Variants in TPST1 observed in about 807,000 individuals in gnomAD.
The protein encoded by TPST1 is protein-tyrosine sulfotransferase 1.
A neutral mutation model predicts 34.8 loss-of-function variants in TPST1; 20 were observed. The ratio of observed to expected loss-of-function variants is 0.57; its 90% CI spans 0.40 to 0.84. The LOEUF is 0.84. Ranked by LOEUF, TPST1 falls within the 40% of genes least tolerant of loss-of-function variation. The pLI, the probability that TPST1 is intolerant of heterozygous loss-of-function variation, is 0.00. For missense variants in TPST1, 353 were observed against 455.5 expected, an observed-to-expected ratio of 0.78 and a Z score of 2.05; for synonymous variants, 152 against 159.4, an observed-to-expected ratio of 0.95 and a Z score of 0.35.
At position 66,241,283 on chromosome 7, in the gene TPST1, T is replaced by C. The variant is rs1790030183; in HGVS notation, c.845+13T>C. 3.2e-6 allele frequency: 5 copies of C among 1,582,206 alleles called. No homozygotes were observed. In the East Asian group the frequency reaches 1.1e-4, roughly 35 times the overall value. On this transcript the variant is annotated intron_variant, in intron 2 of 5. Transcript: ENST00000304842. ...TGTCTCTGTCAAAGTGAGTAGAAGA[T>C]ACGTTTTTTATTTTGACTCTATATT...
chr7:66,219,678 A>C (rs1789498872), intron 1 of TPST1, among the ~76,000 whole-genome samples: 1 of 152,360 alleles, frequency 6.6e-6, no homozygotes, highest in Non-Finnish European at 1.5e-5. Context: ...CCTTATAAAT[A>C]ATAGCAGATG....
chr7:66,358,456 C>T (rs756729032), intron 5 of TPST1, among the ~76,000 whole-genome samples: 10 of 151,246 alleles, frequency 6.6e-5, no homozygotes, highest in Non-Finnish European at 1.5e-4. Flanking sequence ...ATAACAGATA[C>T]GCTAAATTAT....
chr7:66,213,743 C>CAA (rs749299136), intron 1 of TPST1, among the ~76,000 whole-genome samples: 9 of 96,546 alleles, frequency 9.3e-5, no homozygotes, highest in Non-Finnish European at 1.7e-4. Context: ...GACTCCATCT[C>CAA]AAAAAAAAAA....
chr7:66,276,564 A>G (rs148877803), intron 2 of TPST1, among the ~76,000 whole-genome samples: 40 of 151,394 alleles, frequency 2.6e-4, no homozygotes, highest in African/African-American at 8.2e-4. Flanking sequence ...CAATTAGTTT[A>G]AATTGGAAAG....
rs181375383 is a variant in TPST1 at position 66,267,817 on chromosome 7, C to T, written c.846-18694C>T. Among the ~76,000 whole-genome samples the T allele has an allele frequency of 4.3e-4, 65 of 152,284 alleles. No homozygotes were observed. In the East Asian group the frequency reaches 9.2e-3, roughly 22 times the overall value. Reference sequence around the variant, plus strand: ...AGCAGACAAAACAAAAATTCCTGCCCTTATGGAACATATATTGGGGGAGGG... The same window carrying T: ...AGCAGACAAAACAAAAATTCCTGCCTTTATGGAACATATATTGGGGGAGGG... On this transcript the variant is annotated intron_variant, in intron 2 of 5. Coordinates refer to ENST00000304842, the MANE Select transcript of TPST1 (RefSeq NM_003596.4).
intron 3 of TPST1, among the ~76,000 whole-genome samples, chr7:66,306,839 A>C (rs1308308530): frequency 6.6e-6 from 1 of 151,998 alleles, no homozygotes; most frequent in Admixed American, 6.6e-5. Context: ...CAGCCTCCTG[A>C]GTAGCTTGGG....
chr7:66,322,920 T>A (rs576171518), intron 3 of TPST1, among the ~76,000 whole-genome samples: 9 of 152,202 alleles, frequency 5.9e-5, no homozygotes, highest in South Asian at 2.1e-4. Context: ...TTATTTTTTT[T>A]ATTTTTTTAT....
At chr7:66,209,083 G>A (rs781451515) in intron 1 of TPST1, among the ~76,000 whole-genome samples, 4 of 151,934 alleles carry the variant, frequency 2.6e-5, no homozygotes, top group Admixed American at 2.0e-4. Context: ...AGACCAGCCC[G>A]GCCACATGGT....
intron 3 of TPST1, among the ~76,000 whole-genome samples, chr7:66,319,685 A>G (rs958897155): frequency 6.6e-6 from 1 of 152,138 alleles, no homozygotes; most frequent in Non-Finnish European, 1.5e-5. Flanking sequence ...TATATTTTTC[A>G]CCTAATATAT....
At chr7:66,281,017 G>A (rs1010673016) in intron 2 of TPST1, among the ~76,000 whole-genome samples, 2 of 152,146 alleles carry the variant, frequency 1.3e-5, no homozygotes, top group Non-Finnish European at 2.9e-5. Context: ...TGCCTAGCTT[G>A]TTGAGAGTTT....
chr7:66,255,379 CTG>C (rs1790364493), intron 2 of TPST1, among the ~76,000 whole-genome samples: 5 of 152,100 alleles, frequency 3.3e-5, no homozygotes, highest in Admixed American at 3.3e-4. Flanking sequence ...GGTTGAGAAA[CTG>C]TATTTTAAAG....
At position 66,360,226 on chromosome 7, in the gene TPST1, T is replaced by G. The variant is rs1207216284; in HGVS notation, c.*361T>G. On this transcript the variant is annotated 3_prime_UTR_variant, in exon 6 of 6. Transcript: ENST00000304842. ...TAAAAATGGGATCCTGTAAGCAGAC[T>G]TGGGCAGTCTCCTTTTGAAATAGGT... 3.5e-5 allele frequency: 10 copies of G among 284,604 alleles called. No homozygotes were observed. 17.6% of individuals were successfully genotyped at this position (284,604 alleles called of 1,614,324 possible). A position where few individuals can be genotyped will look rare whatever the true frequency, so the allele number is the denominator to read the frequency against.
intron 3 of TPST1, among the ~76,000 whole-genome samples, chr7:66,336,374 A>G (rs575536098): frequency 6.6e-6 from 1 of 152,334 alleles, no homozygotes; most frequent in South Asian, 2.1e-4. Flanking sequence ...TGAAATTTAG[A>G]AAGCAATCCA....
intron 1 of TPST1, among the ~76,000 whole-genome samples, chr7:66,213,925 A>G (rs1789331432): frequency 6.6e-6 from 1 of 152,138 alleles, no homozygotes; most frequent in South Asian, 2.1e-4. Context: ...ATTAGGAGTT[A>G]TAGATCATAT....
intron 3 of TPST1, among the ~76,000 whole-genome samples, chr7:66,310,905 A>C (rs1791518101): frequency 6.6e-6 from 1 of 151,892 alleles, no homozygotes; most frequent in Admixed American, 6.6e-5. Flanking sequence ...AGCTTACTGC[A>C]GCCTTGACTT....
At chr7:66,296,252 C>CG (rs1562832608) in intron 3 of TPST1, among the ~76,000 whole-genome samples, 1 of 44,146 alleles carries the variant, frequency 2.3e-5, no homozygotes, top group Non-Finnish European at 4.2e-5. Context: ...ACCCTTCCCC[C>CG]CCCCCTCCCC....
At chr7:66,357,825 C>A (rs1792611073) in intron 5 of TPST1, among the ~76,000 whole-genome samples, 1 of 152,232 alleles carries the variant, frequency 6.6e-6, no homozygotes, top group Non-Finnish European at 1.5e-5. Flanking sequence ...GTGGCTCATG[C>A]CTGTAATCCC....
chr7:66,200,711 C>T (rs1164608614), upstream of TPST1, among the ~76,000 whole-genome samples: 2 of 151,786 alleles, frequency 1.3e-5, no homozygotes, highest in African/African-American at 4.8e-5. Context: ...TGAGCCACCG[C>T]GCCCGACCGA....
At chr7:66,245,841 C>A (rs1026242685) in intron 2 of TPST1, among the ~76,000 whole-genome samples, 1 of 152,208 alleles carries the variant, frequency 6.6e-6, no homozygotes, top group South Asian at 2.1e-4. Flanking sequence ...CTGAGCTCTA[C>A]TAGCTCAGTC....
Sources: gnomAD v4.1 joint callset for allele counts (sites outside exome capture counted in the v4.1 genomes callset) on GRCh38, gnomAD v4.1.1 for gene constraint, MANE v1.5 for transcripts, NCBI Gene and HGNC (gene_info 2026-07-23, HGNC 2026-07-21) for gene names.